MARCHF10: variants seen among roughly 807,000 people sequenced by gnomAD.
The protein encoded by MARCHF10 is membrane associated ring-CH-type finger 10.
MARCHF10 carries 64 observed loss-of-function variants against 76.2 expected under a neutral mutation model. That is an observed-to-expected ratio of 0.84 (90% CI 0.69 to 1.03). The LOEUF is 1.03. Ranked by LOEUF, MARCHF10 falls within the 50% of genes least tolerant of loss-of-function variation. The pLI is 0.00. For synonymous variants in MARCHF10, 340 were observed against 357.5 expected (o/e 0.95, Z 0.55); for missense variants, 875 against 958.0 (o/e 0.91, Z 1.14).
intron 8 of MARCHF10, among the ~76,000 whole-genome samples, chr17:62,715,659 C>T (rs1308517437): frequency 1.3e-5 from 2 of 152,364 alleles, no homozygotes; most frequent in Non-Finnish European, 2.9e-5. Context: ...TGTACTGCCA[C>T]AGGCCCTGAC....
At chr17:62,717,521 G>T (rs75464157) in intron 8 of MARCHF10, among the ~76,000 whole-genome samples, 1 of 152,218 alleles carries the variant, frequency 6.6e-6, no homozygotes, top group Non-Finnish European at 1.5e-5. Flanking sequence ...TTCCCCAGCC[G>T]GGCTTCCTTG....
chr17:62,731,064 A>AGATTCTCCCACTTCAGC (rs2091005111), intron 6 of MARCHF10, among the ~76,000 whole-genome samples: 1 of 152,212 alleles, frequency 6.6e-6, no homozygotes, highest in African/African-American at 2.4e-5. Context: ...ACAATACTAG[A>AGATTCTCCCACTTCAGC]CAAAAATAAT....
At chr17:62,795,029 G>T (rs1166586654) in intron 2 of MARCHF10, 1 of 985,106 alleles carries the variant, frequency 1.0e-6, no homozygotes, top group Non-Finnish European at 1.2e-6. Flanking sequence ...CCTCAAAGGT[G>T]AGCCAGGAGG....
chr17:62,719,977 AG>A (rs1388109080), intron 8 of MARCHF10, among the ~76,000 whole-genome samples: 1 of 152,214 alleles, frequency 6.6e-6, no homozygotes, highest in African/African-American at 2.4e-5. Context: ...AGCCCATCAA[AG>A]GCATTCTTCA....
intron 7 of MARCHF10, among the ~76,000 whole-genome samples, chr17:62,723,908 G>A (rs917407385): frequency 6.6e-6 from 1 of 152,020 alleles, no homozygotes; most frequent in Non-Finnish European, 1.5e-5. Flanking sequence ...TGCATAAAAC[G>A]GGCTCCATGG....
intron 9 of MARCHF10, chr17:62,707,618 G>C (rs1285702636): frequency 6.6e-6 from 1 of 152,432 alleles, no homozygotes; most frequent in Non-Finnish European, 1.5e-5. Context: ...GTCTGTCCTA[G>C]AGGAGGGGCT....
Position 62,759,872 on chromosome 17 carries a change from C to G in MARCHF10, c.345G>C (p.Arg115Ser). 1 of 1,614,106 alleles carries G rather than the reference C, an allele frequency of 6.2e-7. No individual in the cohort carries two copies. The highest frequency in any genetic ancestry group is 8.5e-7 in the Non-Finnish European group (1 of 1,180,022). The part of the protein sequence containing the change: ...KQKHKSTMTV[R>S]KAEKVDPSEP... ...CGCTGGGGTCCACTTTCTCTGCTTT[C>G]CTTACAGTCATGGTACTTTTATGTT... Residue 115 changes from arginine to serine, a missense_variant, in exon 4 of 11, where the codon AGG becomes AGC. Physicochemically the swap from Arg to Ser is moderately radical, Grantham distance 110. Coordinates refer to ENST00000311269, the MANE Select transcript of MARCHF10 (RefSeq NM_152598.4).
intron 3 of MARCHF10, chr17:62,780,794 G>C (rs2092644269): frequency 6.6e-6 from 1 of 152,178 alleles, no homozygotes; most frequent in South Asian, 2.1e-4. Flanking sequence ...ACAGGATCTT[G>C]GAAAGATGAG....
intron 6 of MARCHF10, among the ~76,000 whole-genome samples, chr17:62,727,106 T>C (rs1376276786): frequency 6.6e-6 from 1 of 152,150 alleles, no homozygotes; most frequent in Non-Finnish European, 1.5e-5. Context: ...CCCAGGAACC[T>C]GAACGTTAAG....
At chr17:62,725,216 G>A (rs1200303804) in intron 6 of MARCHF10, 112 bp from the exon 7 acceptor site, 9 of 925,436 alleles carry the variant, frequency 9.7e-6, no homozygotes, top group East Asian at 8.9e-5. Context: ...GTACTCACCC[G>A]CTGCCCCCTC....
At chr17:62,740,130 G>A (rs1414955410) in intron 5 of MARCHF10, among the ~76,000 whole-genome samples, 2 of 150,960 alleles carry the variant, frequency 1.3e-5, no homozygotes, top group African/African-American at 2.4e-5. Context: ...TGCCATTCTC[G>A]ATTTATGCTA....
chr17:62,793,175 T>C (rs932596884), intron 2 of MARCHF10, among the ~76,000 whole-genome samples: 262 of 41,642 alleles, frequency 6.3e-3, no homozygotes, highest in African/African-American at 6.8e-3. Context: ...ACCACCTCCA[T>C]CACTACCACC....
At chr17:62,746,314 C>A (rs2091700819) in intron 4 of MARCHF10, among the ~76,000 whole-genome samples, 1 of 151,936 alleles carries the variant, frequency 6.6e-6, no homozygotes, top group South Asian at 2.1e-4. Context: ...GTTGGTGGAG[C>A]CCAGAGAAGT....
At position 62,770,543 on chromosome 17, in the gene MARCHF10, C is replaced by CTTTT. The variant is rs35664995; in HGVS notation, c.211-10541_211-10538dup. Among the ~76,000 whole-genome samples, 23 of 136,536 alleles carry CTTTT rather than the reference C, an allele frequency of 1.7e-4. 1 individual carries two copies. The highest frequency in any genetic ancestry group is 2.2e-4 in the East Asian group (1 of 4,620). 89.6% of individuals were successfully genotyped at this position (136,536 alleles called of 152,430 possible). ...CTTGCCAGCATCTATTGTATTTTGA[C>CTTTT]TTTTTTTTTTTTTTTTGAGACAGAG... On this transcript the variant is annotated intron_variant, in intron 3 of 10. Coordinates refer to ENST00000311269, the MANE Select transcript of MARCHF10 (RefSeq NM_152598.4).
intron 3 of MARCHF10, among the ~76,000 whole-genome samples, chr17:62,761,128 T>C (rs1207628397): frequency 6.6e-6 from 1 of 152,214 alleles, no homozygotes; most frequent in Admixed American, 6.5e-5. Context: ...AGTCCTCTAC[T>C]TGTCAGTCTT....
Position 62,711,451 on chromosome 17 carries a change from G to C in MARCHF10, c.2215-107C>G, listed in dbSNP as rs942542746. ...AGAGGTGACAAGAACTGGGAGAAGA[G>C]CCCAAGCTCCAAGGCAAGGCCTGCT... On this transcript the variant is annotated intron_variant, in intron 8 of 10. Coordinates refer to ENST00000311269, the MANE Select transcript of MARCHF10 (RefSeq NM_152598.4). This position sits in a 1 kb window ranked among gnomAD's most constrained non-coding sequence, Gnocchi z 4.4. 4 of 1,037,374 alleles carry C rather than the reference G, an allele frequency of 3.9e-6. No homozygotes were observed. Among genetic ancestry groups the C allele is most frequent in the Non-Finnish European group, 5.8e-6 (4 of 695,550 alleles). The allele number at this position is 1,037,374 out of a possible 1,614,324, so 64.3% of individuals were successfully genotyped here. A position where few individuals can be genotyped will look rare whatever the true frequency, so the allele number is the denominator to read the frequency against.
intron 6 of MARCHF10, among the ~76,000 whole-genome samples, chr17:62,733,067 TC>T (rs2091105879): frequency 6.6e-6 from 1 of 151,064 alleles, no homozygotes; most frequent in Non-Finnish European, 1.5e-5. Flanking sequence ...AAAAGATATT[TC>T]CAACACACAA....
At chr17:62,799,398 T>A (rs995991932) in intron 2 of MARCHF10, among the ~76,000 whole-genome samples, 1 of 152,152 alleles carries the variant, frequency 6.6e-6, no homozygotes, top group South Asian at 2.1e-4. Context: ...TAATACAACA[T>A]AAATCAGATC....
In MARCHF10 at chr17:62,708,407, G is replaced by A. The variant is rs919673627; in HGVS notation, c.2328+2824C>T. Among the ~76,000 whole-genome samples the A allele has an allele frequency of 5.9e-5, 9 of 152,154 alleles. No homozygotes were observed. The South Asian group carries it at 6.2e-4, about 11-fold the overall frequency. On this transcript the variant is annotated intron_variant, in intron 9 of 10. Coordinates refer to ENST00000311269, the MANE Select transcript of MARCHF10 (RefSeq NM_152598.4). Reference sequence around the variant, plus strand: ...GCTACAGGTGCACGCTGCCACGCCCGGCTAATTTTTGTATTTTTAGTAGAG... The same window carrying A: ...GCTACAGGTGCACGCTGCCACGCCCAGCTAATTTTTGTATTTTTAGTAGAG...
Sources: allele counts gnomAD v4.1 joint callset (sites outside exome capture counted in the v4.1 genomes callset), GRCh38; gene constraint gnomAD v4.1.1; non-coding constraint Gnocchi (gnomAD v3.1); transcripts MANE v1.5; gene names NCBI Gene and HGNC (gene_info 2026-07-23, HGNC 2026-07-21).